TMEM131L: variants seen among roughly 807,000 people sequenced by gnomAD.
TMEM131L encodes the protein transmembrane protein 131-like.
Under a neutral mutation model 192.2 loss-of-function variants are expected in TMEM131L, and 54 were observed. The ratio of observed to expected loss-of-function variants is 0.28; its 90% CI spans 0.23 to 0.35. TMEM131L has a LOEUF of 0.35. TMEM131L is among the 10% of genes least tolerant of loss of function. The pLI is 1.00. For synonymous variants in TMEM131L, 701 were observed against 704.9 expected (o/e 0.99, Z 0.09); for missense variants, 1,888 against 1,972.9 (o/e 0.96, Z 0.82).
At chr4:153,576,145 A>G (rs1413923486) in intron 7 of TMEM131L, among the ~76,000 whole-genome samples, 4 of 151,870 alleles carry the variant, frequency 2.6e-5, no homozygotes, top group Admixed American at 6.6e-5. Context: ...ATTTTTTAGT[A>G]GAGACAGGGT....
At chr4:153,615,013 T>G (rs1388429958) in intron 26 of TMEM131L, among the ~76,000 whole-genome samples, 2 of 152,206 alleles carry the variant, frequency 1.3e-5, no homozygotes, top group Admixed American at 6.5e-5. Context: ...GAGCTCATTT[T>G]TATGTCTGTC....
chr4:153,625,198 G>C (rs1264334819), intron 29 of TMEM131L, among the ~76,000 whole-genome samples: 2 of 152,140 alleles, frequency 1.3e-5, no homozygotes, highest in African/African-American at 4.8e-5. Flanking sequence ...GATCACTTGA[G>C]GTCAGGAGTT....
chr4:153,561,060 G>GGAAC (rs1728814610), intron 7 of TMEM131L, among the ~76,000 whole-genome samples: 1 of 152,096 alleles, frequency 6.6e-6, no homozygotes, highest in Admixed American at 6.5e-5. Context: ...ATTTTTGTTT[G>GGAAC]TTTTTTAAAT....
chr4:153,512,761 G>C (rs1279954856), intron 3 of TMEM131L, among the ~76,000 whole-genome samples: 4 of 152,022 alleles, frequency 2.6e-5, no homozygotes, highest in South Asian at 2.1e-4. Flanking sequence ...CTACAGGCTC[G>C]AGCCACCAAG....
intron 29 of TMEM131L, among the ~76,000 whole-genome samples, chr4:153,625,490 G>A (rs1554043832): frequency 6.6e-6 from 1 of 152,154 alleles, no homozygotes; most frequent in Non-Finnish European, 1.5e-5. Flanking sequence ...TATTAATGGT[G>A]TTGCTGTACA....
intron 3 of TMEM131L, among the ~76,000 whole-genome samples, chr4:153,474,932 G>A (rs1731422606): frequency 6.6e-6 from 1 of 152,106 alleles, no homozygotes; most frequent in African/African-American, 2.4e-5. Flanking sequence ...AGAGGTACAC[G>A]AAGACACTCT....
intron 26 of TMEM131L, among the ~76,000 whole-genome samples, chr4:153,612,692 A>T (rs980005320): frequency 6.6e-6 from 1 of 152,132 alleles, no homozygotes; most frequent in African/African-American, 2.4e-5. Context: ...TATTCCTTCT[A>T]TCTAGTTATT....
intron 7 of TMEM131L, among the ~76,000 whole-genome samples, chr4:153,568,241 G>T (rs1418401587): frequency 6.6e-6 from 1 of 152,182 alleles, no homozygotes; most frequent in Admixed American, 6.5e-5. Context: ...GCGTCATGAA[G>T]ACTCTAGAAA....
chr4:153,592,433 G>A (rs771139183), intron 17 of TMEM131L, 42 bp from the exon 18 acceptor site: 3 of 1,333,956 alleles, frequency 2.2e-6, no homozygotes, highest in Non-Finnish European at 1.1e-6. Context: ...GAGGGATGCT[G>A]TGTCCCTCTC....
At chr4:153,537,903 T>TC (rs1447116637) in intron 3 of TMEM131L, among the ~76,000 whole-genome samples, 1 of 152,210 alleles carries the variant, frequency 6.6e-6, no homozygotes, top group African/African-American at 2.4e-5. Flanking sequence ...GACTCCTTTC[T>TC]CCCTAGACTA....
chr4:153,636,477 G>A lies in TMEM131L; in HGVS notation c.4734G>A (p.Pro1578=), dbSNP rs761645084. Residue 1578 remains proline, a synonymous_variant, in exon 35 of 35, where the codon CCG becomes CCA. Coordinates refer to ENST00000409959, the MANE Select transcript of TMEM131L (RefSeq NM_001131007.2). The part of the protein sequence containing the change: ...VCKEYYPGFN[P]FRAYMNLDIW... ...AGGAATACTACCCGGGGTTCAACCC[G>A]TTTCGCGCCTATATGAACCTGGACA... The A allele has an allele frequency of 1.4e-5, 23 of 1,614,072 alleles. No homozygotes were observed. The highest frequency in any genetic ancestry group is 1.9e-5 in the Non-Finnish European group (22 of 1,180,052).
In TMEM131L at chr4:153,622,915, C is replaced by T. The variant is rs762414851; in HGVS notation, c.3877C>T (p.Pro1293Ser). The change falls in exon 29 of 35, where the codon CCT (proline) becomes TCT (serine). Residue 1293 changes from proline (P) to serine (S), a missense_variant. Physicochemically the swap from Pro to Ser is moderately conservative, Grantham distance 74 (BLOSUM62 -1). Coordinates refer to ENST00000409959, the MANE Select transcript of TMEM131L (RefSeq NM_001131007.2). ...QREAEGYYQKPEKKCVDKFCS... is the reference protein window; with the variant it reads ...QREAEGYYQKSEKKCVDKFCS... Reference sequence around the variant, plus strand: ...TCCTCCAGAAGGTTACTACCAGAAGCCTGAGAAGAAATGTGTGGACAAGTT... The same window carrying T: ...TCCTCCAGAAGGTTACTACCAGAAGTCTGAGAAGAAATGTGTGGACAAGTT... 109 of 1,614,108 alleles carry T rather than the reference C, an allele frequency of 6.8e-5. No individual in the cohort carries two copies. The highest frequency in any genetic ancestry group is 8.7e-5 in the Non-Finnish European group (103 of 1,180,048).
chr4:153,630,435 G>T (rs1233641560), intron 31 of TMEM131L, among the ~76,000 whole-genome samples: 1 of 152,204 alleles, frequency 6.6e-6, no homozygotes, highest in Non-Finnish European at 1.5e-5. Context: ...TTAAGTTTCT[G>T]TGTTGATCTC....
At chr4:153,619,847 AG>A (rs1203203439) in intron 26 of TMEM131L, among the ~76,000 whole-genome samples, 1 of 152,192 alleles carries the variant, frequency 6.6e-6, no homozygotes, top group Non-Finnish European at 1.5e-5. Flanking sequence ...GTCAGTAGGA[AG>A]GGGACTCTTC....
intron 3 of TMEM131L, among the ~76,000 whole-genome samples, chr4:153,533,173 C>T (rs1736044625): frequency 6.6e-6 from 1 of 151,984 alleles, no homozygotes; most frequent in East Asian, 1.9e-4. Context: ...TTTGTAGAGA[C>T]GGGGTTTCTC....
rs773646049 is a variant in TMEM131L at position 153,634,235 on chromosome 4, G to A, written c.4372G>A (p.Ala1458Thr). Residue 1458 changes from alanine to threonine, a missense_variant, in exon 33 of 35, where the codon GCA becomes ACA. Transcript: ENST00000409959. ...AACATGCGAAGGCCAGTTTTCCAGC[G>A]CATACTGTCCATTGGAATTGAACGA... Reference protein sequence around the residue: ...SATCEGQFSSAYCPLELNDYN... With the variant: ...SATCEGQFSSTYCPLELNDYN... 5.0e-6 allele frequency: 8 copies of A among 1,614,052 alleles called. No individual in the cohort carries two copies. The highest frequency in any genetic ancestry group is 2.2e-5 in the East Asian group (1 of 44,888).
intron 3 of TMEM131L, among the ~76,000 whole-genome samples, chr4:153,491,332 C>T (rs1469651686): frequency 1.3e-5 from 2 of 152,018 alleles, no homozygotes; most frequent in African/African-American, 2.4e-5. Flanking sequence ...AGAGAAAAAC[C>T]GTGTTTTGAG....
In TMEM131L at chr4:153,484,987, C is replaced by T. The variant is rs190870269; in HGVS notation, c.239+11099C>T. 8.5e-3 allele frequency among the ~76,000 whole-genome samples: 1,266 copies of T among 149,714 alleles called. 17 individuals carry two copies. Among genetic ancestry groups the T allele is most frequent in the African/African-American group, 0.029 (1,181 of 40,828 alleles). ...ACAAAAAATTAGCTGGGCGTGGTGG[C>T]GGGCGCCTGTAGTCCCAGCTACTTG... On this transcript the variant is annotated intron_variant, in intron 3 of 34. Coordinates refer to ENST00000409959, the MANE Select transcript of TMEM131L (RefSeq NM_001131007.2).
At chr4:153,575,784 A>T (rs1402749723) in intron 7 of TMEM131L, among the ~76,000 whole-genome samples, 1 of 152,068 alleles carries the variant, frequency 6.6e-6, no homozygotes, top group Non-Finnish European at 1.5e-5. Context: ...TTACGTTTTT[A>T]TTTGTTTTTC....
Sources: gnomAD v4.1 joint callset for allele counts (sites outside exome capture counted in the v4.1 genomes callset) on GRCh38, gnomAD v4.1.1 for gene constraint, MANE v1.5 for transcripts, NCBI Gene and HGNC (gene_info 2026-07-23, HGNC 2026-07-21) for gene names.